Variants in TBXAS1 observed in about 807,000 individuals in gnomAD.
TBXAS1 encodes thromboxane-A synthase.
A neutral mutation model predicts 60.7 loss-of-function variants in TBXAS1; 48 were observed. The ratio of observed to expected loss-of-function variants is 0.79; its 90% CI spans 0.63 to 1.01. The LOEUF is 1.01. Among genes scored for constraint, TBXAS1 ranks in the 50% least tolerant of loss-of-function variants. The pLI, the probability that TBXAS1 is intolerant of heterozygous loss-of-function variation, is 0.00. For missense variants in TBXAS1, 685 were observed against 686.3 expected (o/e 1.00, Z 0.02); for synonymous variants, 287 against 269.7 (o/e 1.06, Z -0.63).
intron 2 of TBXAS1, among the ~76,000 whole-genome samples, chr7:139,873,805 C>T (rs1361004805): frequency 6.6e-6 from 1 of 152,112 alleles, no homozygotes; most frequent in African/African-American, 2.4e-5. Flanking sequence ...TCTGCTAAGT[C>T]ACGGGGACAC....
intron 6 of TBXAS1, among the ~76,000 whole-genome samples, chr7:139,954,732 G>C (rs917148): frequency 0.019 from 2,906 of 152,226 alleles, 87 homozygotes; most frequent in African/African-American, 0.065. Context: ...CTTTTGAGGG[G>C]GCAGCTTTCC....
chr7:139,977,625 G>A (rs926121018), intron 9 of TBXAS1, among the ~76,000 whole-genome samples: 4 of 152,156 alleles, frequency 2.6e-5, no homozygotes, highest in African/African-American at 7.2e-5. Flanking sequence ...AAGAGGAAAT[G>A]CTTCTGGCTG....
At chr7:139,993,712 T>C (rs907844724) in intron 9 of TBXAS1, among the ~76,000 whole-genome samples, 5 of 152,168 alleles carry the variant, frequency 3.3e-5, no homozygotes, top group Non-Finnish European at 7.3e-5. Context: ...AATGTAGCAG[T>C]GAGCACAGCT....
chr7:139,913,109 A>G, intron 4 of TBXAS1: 1 of 702,806 alleles, frequency 1.4e-6, no homozygotes, highest in East Asian at 2.7e-5. Context: ...TGGCCTCTAG[A>G]GGGATGTGGC....
At chr7:139,950,760 G>GCAGAGGAGTTGGGC (rs1809176886) in intron 5 of TBXAS1, among the ~76,000 whole-genome samples, 1 of 71,956 alleles carries the variant, frequency 1.4e-5, no homozygotes, top group Admixed American at 1.4e-4. Context: ...GGACCCCCTC[G>GCAGAGGAGTTGGGC]CCCTCCATCT....
chr7:139,926,930 A>T (rs1010963185), intron 4 of TBXAS1, among the ~76,000 whole-genome samples: 44 of 152,060 alleles, frequency 2.9e-4, no homozygotes, highest in African/African-American at 1.0e-3. Context: ...AACAATTGGA[A>T]ATTGTATAGT....
At chr7:139,990,898 G>A (rs1327817106) in intron 9 of TBXAS1, among the ~76,000 whole-genome samples, 1 of 152,132 alleles carries the variant, frequency 6.6e-6, no homozygotes, top group African/African-American at 2.4e-5. Flanking sequence ...CCACCTTCAG[G>A]CTAACCCCCT....
intron 9 of TBXAS1, among the ~76,000 whole-genome samples, chr7:139,979,915 T>C (rs1811847353): frequency 6.6e-6 from 1 of 152,034 alleles, no homozygotes; most frequent in Admixed American, 6.6e-5. Context: ...TATTTCCATG[T>C]AACATTGGGT....
rs535774516 is a variant in TBXAS1, at chr7:139,781,183, C to G, written c.-233+359C>G. On this transcript the variant is annotated intron_variant, in intron 2 of 16. Transcript: ENST00000336425. ...CAAAACATGCATTCAATTGAGCTAGCGAAGTTCGTATGATATAACGGAAAA... is the reference window on the plus strand; with the variant it reads ...CAAAACATGCATTCAATTGAGCTAGGGAAGTTCGTATGATATAACGGAAAA... Among the ~76,000 whole-genome samples the G allele has an allele frequency of 6.6e-5, 10 of 152,216 alleles. No homozygotes were observed. In the South Asian group the frequency reaches 2.1e-3, roughly 32 times the overall value.
rs1400012855 is a variant in TBXAS1 at position 139,957,678 on chromosome 7, A to G, written c.733A>G (p.Asn245Asp). Reference sequence around the variant, plus strand: ...GGTCCCACTGGCCCGGATTTTGCCCAATAAGAACCGAGACGAACTGAATGG... The same window carrying G: ...GGTCCCACTGGCCCGGATTTTGCCCGATAAGAACCGAGACGAACTGAATGG... ...IMVPLARILP[N>D]KNRDELNGFF... The change falls in exon 8 of 13, where the codon AAT becomes GAT. Residue 245 changes from asparagine to aspartate, a missense_variant. Coordinates refer to ENST00000448866, the MANE Select transcript of TBXAS1 (RefSeq NM_001061.7). The G allele has an allele frequency of 1.8e-5, 29 of 1,614,030 alleles. No individual in the cohort carries two copies. The highest frequency in any genetic ancestry group is 1.9e-5 in the Non-Finnish European group (23 of 1,180,040).
intron 1 of TBXAS1, among the ~76,000 whole-genome samples, chr7:139,855,850 G>T (rs1428164093): frequency 1.3e-5 from 2 of 152,168 alleles, no homozygotes; most frequent in Non-Finnish European, 2.9e-5. Context: ...GAGAAGTTTA[G>T]AAAATATCTG....
At chr7:139,890,501 C>T (rs1231812042) in intron 3 of TBXAS1, among the ~76,000 whole-genome samples, 1 of 152,184 alleles carries the variant, frequency 6.6e-6, no homozygotes, top group East Asian at 1.9e-4. Flanking sequence ...AGGCGTGAGC[C>T]ACCGCGCCCG....
chr7:139,812,311 G>A (rs1798038561), intron 4 of TBXAS1, among the ~76,000 whole-genome samples: 1 of 152,164 alleles, frequency 6.6e-6, no homozygotes, highest in South Asian at 2.1e-4. Flanking sequence ...ACAATGTTGG[G>A]GTGAACTCCT....
chr7:139,889,411 A>G (rs184634741), intron 3 of TBXAS1, among the ~76,000 whole-genome samples: 2 of 152,340 alleles, frequency 1.3e-5, no homozygotes, highest in Admixed American at 1.3e-4. Flanking sequence ...ACTGAGGCTG[A>G]CTTCAAATGC....
intron 1 of TBXAS1, among the ~76,000 whole-genome samples, chr7:139,831,552 T>C (rs976093250): frequency 1.3e-5 from 2 of 152,204 alleles, no homozygotes; most frequent in Non-Finnish European, 2.9e-5. Context: ...GGATTAAACA[T>C]TGCAGCACAT....
chr7:139,994,579 A>T (rs1056227275), intron 9 of TBXAS1, among the ~76,000 whole-genome samples: 4 of 151,946 alleles, frequency 2.6e-5, no homozygotes, highest in Non-Finnish European at 5.9e-5. Context: ...AAATGGACCG[A>T]GTGGGCAATA....
intron 9 of TBXAS1, among the ~76,000 whole-genome samples, chr7:139,986,751 ATATATG>A (rs1812501182): frequency 2.1e-5 from 1 of 47,914 alleles, no homozygotes; most frequent in African/African-American, 7.1e-5. Flanking sequence ...ATACATATAT[ATATATG>A]TGTGTGTGTG....
chr7:139,953,486 C>A lies in TBXAS1; in HGVS notation c.539+30C>A. The stretch of plus-strand genomic sequence containing the variant: ...GGCTGCTGCATTACAGATGAGAAAT[C>A]GAGTTTTTGAATCACTGCTTCTTGT... On this transcript the variant is annotated intron_variant, in intron 6 of 12. Transcript: ENST00000448866. 1.9e-6 allele frequency: 3 copies of A among 1,603,190 alleles called. No individual in the cohort carries two copies. The South Asian group carries it at 3.3e-5, about 18-fold the overall frequency.
intron 4 of TBXAS1, among the ~76,000 whole-genome samples, chr7:139,922,023 G>T (rs962345499): frequency 6.6e-6 from 1 of 151,938 alleles, no homozygotes; most frequent in Admixed American, 6.6e-5. Flanking sequence ...TCCAGGGGCT[G>T]GGTAGTAGTG....
Sources: allele counts gnomAD v4.1 joint callset (sites outside exome capture counted in the v4.1 genomes callset), GRCh38; gene constraint gnomAD v4.1.1; transcripts MANE v1.5; gene names NCBI Gene and HGNC (gene_info 2026-07-23, HGNC 2026-07-21).